The following ZNF106 variants were observed in gnomAD, a reference collection of about 807,000 sequenced individuals.
ZNF106 encodes the protein zinc finger protein 106, also known as SH3-domain binding protein 3.
In ZNF106, 67 loss-of-function variants were observed where a neutral mutation model predicts 195.1. The ratio of observed to expected loss-of-function variants is 0.34; its 90% confidence interval spans 0.28 to 0.42. ZNF106 has a LOEUF of 0.42. ZNF106 is among the 10% of genes least tolerant of loss of function. The pLI, the probability that ZNF106 is intolerant of heterozygous loss-of-function variation, is 1.00. For synonymous variants in ZNF106, 784 were observed against 818.6 expected (o/e 0.96, Z 0.72); for missense variants, 2,118 against 2,304.5 (o/e 0.92, Z 1.66).
chr15:42,429,195 C>T (rs1008054424), intron 14 of ZNF106, among the ~76,000 whole-genome samples: 11 of 151,364 alleles, frequency 7.3e-5, no homozygotes, highest in Admixed American at 1.3e-4. Flanking sequence ...TAATCCTACA[C>T]GTTGGGAAGC....
intron 1 of ZNF106, among the ~76,000 whole-genome samples, chr15:42,479,574 G>A (rs1325063830): frequency 6.6e-6 from 1 of 151,628 alleles, no homozygotes; most frequent in African/African-American, 2.4e-5. Context: ...AGGCACAATG[G>A]CTCAGGCCTG....
intron 6 of ZNF106, 21 bp from the exon 7 acceptor site, chr15:42,446,679 G>T: frequency 6.3e-7 from 1 of 1,576,274 alleles, no homozygotes; most frequent in South Asian, 1.2e-5. Flanking sequence ...AAAGAAAACT[G>T]AATAAAATCC....
chr15:42,460,050 A>C (rs1334087399), intron 3 of ZNF106, among the ~76,000 whole-genome samples: 2 of 151,768 alleles, frequency 1.3e-5, no homozygotes. Flanking sequence ...CTCAAAAAAA[A>C]AAAAAAAGAA....
intron 14 of ZNF106, among the ~76,000 whole-genome samples, chr15:42,434,787 T>TC (rs57657514): frequency 6.6e-6 from 1 of 151,232 alleles, no homozygotes; most frequent in African/African-American, 2.4e-5. Flanking sequence ...TTTTTTTTTT[T>TC]CCTGAGACGG....
chr15:42,488,154 ATAT>A (rs377457303), intron 1 of ZNF106, among the ~76,000 whole-genome samples: 227 of 152,284 alleles, frequency 1.5e-3, no homozygotes, highest in African/African-American at 4.3e-3. Context: ...TTTTCCCCAA[ATAT>A]TATCCATCCA....
At chr15:42,418,214 A>G (rs2054524897) in intron 20 of ZNF106, among the ~76,000 whole-genome samples, 1 of 152,242 alleles carries the variant, frequency 6.6e-6, no homozygotes, top group African/African-American at 2.4e-5. Context: ...TTAAATCAGG[A>G]AAAGGCCAGC....
intron 1 of ZNF106, among the ~76,000 whole-genome samples, chr15:42,479,747 C>A (rs1299713458): frequency 6.6e-6 from 1 of 152,118 alleles, no homozygotes; most frequent in Admixed American, 6.6e-5. Flanking sequence ...GAGGCTGAGG[C>A]AGGAGAATCG....
rs1160136012 is a variant in ZNF106, at chr15:42,450,277, T to A, written c.1995A>T (p.Pro665=). ...LKTSRELSTS[P]CNPIVRQKES... ...CTTTCTGGCGAACTATGGGATTACATGGGGAAGTGGATAGCTCTCTAGAAG... is the reference window on the plus strand; with the variant it reads ...CTTTCTGGCGAACTATGGGATTACAAGGGGAAGTGGATAGCTCTCTAGAAG... The change falls in exon 5 of 22, where the codon CCA becomes CCT. Residue 665 remains proline (P), a synonymous_variant. Coordinates refer to ENST00000564754, the MANE Select transcript of ZNF106 (RefSeq NM_001366845.3). 1 of 1,614,164 alleles carries A rather than the reference T, an allele frequency of 6.2e-7. No individual in the cohort carries two copies. Among genetic ancestry groups the A allele is most frequent in the Non-Finnish European group, 8.5e-7 (1 of 1,180,028 alleles).
At position 42,448,176 on chromosome 15, in the gene ZNF106, G is replaced by A; in HGVS notation, c.3031C>T (p.Leu1011Phe). 1 of 1,614,144 alleles carries A rather than the reference G, an allele frequency of 6.2e-7. No homozygotes were observed. The highest frequency in any genetic ancestry group is 1.1e-5 in the South Asian group (1 of 91,076). The change falls in exon 6 of 22, where the codon CTT becomes TTT. Residue 1011 changes from leucine (L) to phenylalanine (F), a missense_variant. Physicochemically the swap from Leu to Phe is conservative, Grantham distance 22 (BLOSUM62 0). Transcript: ENST00000564754. The stretch of plus-strand genomic sequence containing the variant: ...GCATCCGCTAAACTGGAGATCGCAA[G>A]GGCTGAGGATGCGCTTGATGACAGA... ...NCLSSSASSALAISSLADAAT... is the reference protein window; with the variant it reads ...NCLSSSASSAFAISSLADAAT...
At chr15:42,449,740 G>GAA in intron 5 of ZNF106, 31 bp downstream of exon 5, 3 of 1,569,042 alleles carry the variant, frequency 1.9e-6, no homozygotes, top group Non-Finnish European at 2.6e-6. Context: ...AGAAAGTGAG[G>GAA]AAAAAAAAGA....
chr15:42,433,947 C>G (rs1164621673), intron 14 of ZNF106, among the ~76,000 whole-genome samples: 4 of 152,072 alleles, frequency 2.6e-5, no homozygotes, highest in African/African-American at 9.7e-5. Flanking sequence ...TTCCTGGGCT[C>G]AAGTGATCCT....
Position 42,437,381 on chromosome 15 carries a change from G to C in ZNF106, c.4601-4C>G. On this transcript the variant is annotated splice_region_variant and splice_polypyrimidine_tract_variant and intron_variant, in intron 12 of 21. Transcript: ENST00000564754. Reference sequence around the variant, plus strand: ...TCTCCTGGCTCTGAAGATATTTCTGGAAAACAAGAATAGGTTTCAGAGACA... The same window carrying C: ...TCTCCTGGCTCTGAAGATATTTCTGCAAAACAAGAATAGGTTTCAGAGACA... 1 of 1,612,300 alleles carries C rather than the reference G, an allele frequency of 6.2e-7. No individual in the cohort carries two copies. The highest frequency in any genetic ancestry group is 1.7e-5 in the Admixed American group (1 of 59,394).
At position 42,451,069 on chromosome 15, in the gene ZNF106, A is replaced by C. The variant is rs1377210321; in HGVS notation, c.1203T>G (p.Pro401=). 6.2e-7 allele frequency: 1 copy of C among 1,614,088 alleles called. No individual in the cohort carries two copies. The highest frequency in any genetic ancestry group is 8.5e-7 in the Non-Finnish European group (1 of 1,180,040). Residue 401 remains proline, a synonymous_variant, in exon 5 of 22, where the codon CCT becomes CCG. Coordinates refer to ENST00000564754, the MANE Select transcript of ZNF106 (RefSeq NM_001366845.3). ...TGNKSEMIEK[P]LFDFSLITTG... ...TAGTTATCAAGCTAAAATCAAAGAG[A>C]GGTTTCTCTATCATTTCTGACTTGT...
intron 15 of ZNF106, among the ~76,000 whole-genome samples, chr15:42,426,601 G>C (rs771904816): frequency 9.8e-6 from 1 of 101,962 alleles, no homozygotes; most frequent in East Asian, 2.8e-4. Flanking sequence ...CAGAGGTCTT[G>C]CTTTGTTGCC....
At chr15:42,488,848 G>A (rs1375790400) in intron 1 of ZNF106, among the ~76,000 whole-genome samples, 2 of 152,058 alleles carry the variant, frequency 1.3e-5, no homozygotes, top group African/African-American at 4.8e-5. Flanking sequence ...AGGCTGAGGT[G>A]GGTGGATCAC....
At position 42,451,855 on chromosome 15, in the gene ZNF106, ACTCT is replaced by A. The variant is rs1469212505; in HGVS notation, c.413_416del (p.Glu138ValfsTer36). 1 of 1,613,710 alleles carries A rather than the reference ACTCT, an allele frequency of 6.2e-7. No homozygotes were observed. The highest frequency in any genetic ancestry group is 2.2e-5 in the East Asian group (1 of 44,846). On this transcript the variant is annotated frameshift_variant, in exon 5 of 22. Transcript: ENST00000564754. LOFTEE classifies it high-confidence loss of function. ...GATGATGCCATGCAGGCTGACTGTA[ACTCT>A]CTCTGTCTTGGTAAGGAATTCGGTC... is the stretch of plus-strand genomic sequence containing the variant.
chr15:42,457,479 G>A, intron 3 of ZNF106: 1 of 1,199,776 alleles, frequency 8.3e-7, no homozygotes, highest in Non-Finnish European at 1.0e-6. Context: ...AGGGCAGGGG[G>A]CTCAGAGCAA....
intron 1 of ZNF106, among the ~76,000 whole-genome samples, chr15:42,482,525 T>TTTTG (rs1488167429): frequency 3.0e-5 from 4 of 133,972 alleles, no homozygotes; most frequent in African/African-American, 8.7e-5. Context: ...ATCTCCAGTT[T>TTTTG]TTTTTTTTTT....
At chr15:42,470,461 A>G (rs2056641084) in intron 2 of ZNF106, among the ~76,000 whole-genome samples, 1 of 152,192 alleles carries the variant, frequency 6.6e-6, no homozygotes, top group Non-Finnish European at 1.5e-5. Context: ...GCTTTAAAAA[A>G]AAATAAAAAG....
Sources: allele counts gnomAD v4.1 joint callset (sites outside exome capture counted in the v4.1 genomes callset), GRCh38; gene constraint gnomAD v4.1.1; transcripts MANE v1.5; gene names NCBI Gene and HGNC (gene_info 2026-07-23, HGNC 2026-07-21).